GALNTL6: variants seen among roughly 807,000 people sequenced by gnomAD.
GALNTL6 encodes polypeptide N-acetylgalactosaminyltransferase-like 6.
GALNTL6 carries 46 observed loss-of-function variants against 73.7 expected under a neutral mutation model. That is an observed-to-expected ratio of 0.62 (90% CI 0.49 to 0.80). The LOEUF (loss-of-function observed/expected upper bound fraction) is 0.80. Ranked by LOEUF, GALNTL6 falls within the 30% of genes least tolerant of loss-of-function variation. The pLI, the probability that GALNTL6 is intolerant of heterozygous loss-of-function variation, is 0.00. For synonymous variants in GALNTL6, 259 were observed against 263.7 expected, an observed-to-expected ratio of 0.98 and a Z score of 0.17; for missense variants, 604 against 755.0, an observed-to-expected ratio of 0.80 and a Z score of 2.34.
intron 2 of GALNTL6, among the ~76,000 whole-genome samples, chr4:172,032,373 T>C (rs1741795206): frequency 6.6e-6 from 1 of 152,014 alleles, no homozygotes; most frequent in Non-Finnish European, 1.5e-5. Flanking sequence ...TTAAATGTTG[T>C]GTCAGAGACT....
intron 2 of GALNTL6, among the ~76,000 whole-genome samples, chr4:171,845,749 C>T (rs1336129404): frequency 2.0e-5 from 3 of 152,124 alleles, no homozygotes; most frequent in Non-Finnish European, 4.4e-5. Flanking sequence ...TCAAGCAAGA[C>T]AGCTGCTTTG....
intron 12 of GALNTL6, among the ~76,000 whole-genome samples, chr4:173,023,539 C>A (rs1353905854): frequency 6.6e-6 from 1 of 152,114 alleles, no homozygotes; most frequent in Non-Finnish European, 1.5e-5. Context: ...TGCCTATAGT[C>A]CCAGCTACTC....
chr4:172,664,015 A>G (rs754931328), intron 5 of GALNTL6, among the ~76,000 whole-genome samples: 2 of 152,190 alleles, frequency 1.3e-5, no homozygotes, highest in African/African-American at 2.4e-5. Context: ...ACTGCAGAAT[A>G]AATACATAAT....
chr4:173,009,320 C>A lies in GALNTL6; in HGVS notation c.1488+26C>A, dbSNP rs1752438436. ...GTGAGTCACCTCCCAGAAGCCAGGG[C>A]AGTGGGAACCAGTCGGGGGCTGATG... On this transcript the variant is annotated intron_variant, in intron 11 of 12. Transcript: ENST00000506823. 7 of 1,305,556 alleles carry A rather than the reference C, an allele frequency of 5.4e-6. No homozygotes were observed. In the East Asian group the frequency reaches 9.2e-5, roughly 17 times the overall value. 80.9% of individuals were successfully genotyped at this position (1,305,556 alleles called of 1,614,324 possible).
chr4:172,715,277 T>C (rs1015469907), intron 5 of GALNTL6, among the ~76,000 whole-genome samples: 5 of 152,198 alleles, frequency 3.3e-5, no homozygotes, highest in Non-Finnish European at 7.4e-5. Context: ...TGTGTGGGGA[T>C]GTGCATGGGT....
chr4:172,167,517 A>C (rs1020567824), intron 2 of GALNTL6, among the ~76,000 whole-genome samples: 1 of 152,238 alleles, frequency 6.6e-6, no homozygotes, highest in African/African-American at 2.4e-5. Context: ...AAATCCATGT[A>C]AATATGAAGA....
intron 3 of GALNTL6, among the ~76,000 whole-genome samples, chr4:172,264,380 G>T (rs1738361443): frequency 1.3e-5 from 2 of 149,978 alleles, no homozygotes; most frequent in African/African-American, 2.4e-5. Flanking sequence ...AAGCTTCTCA[G>T]TTTCCTCATA....
chr4:172,737,281 G>A (rs1736528365), intron 5 of GALNTL6, among the ~76,000 whole-genome samples: 1 of 151,980 alleles, frequency 6.6e-6, no homozygotes, highest in Non-Finnish European at 1.5e-5. Flanking sequence ...TCTATGTCTT[G>A]CAGGTGGTCT....
At position 172,009,270 on chromosome 4, in the gene GALNTL6, C is replaced by T. The variant is rs1055524163; in HGVS notation, c.138+194552C>T. Among the ~76,000 whole-genome samples the T allele has an allele frequency of 4.6e-5, 7 of 151,948 alleles. No individual in the cohort carries two copies. The East Asian group carries it at 5.8e-4, about 13-fold the overall frequency. On this transcript the variant is annotated intron_variant, in intron 2 of 12. Coordinates refer to ENST00000506823, the MANE Select transcript of GALNTL6 (RefSeq NM_001034845.3). ...TGAGGGTAGAATTGTGATTAGCATC[C>T]GGGAGGTCTGACTCTAGAGATTATG... is the stretch of plus-strand genomic sequence containing the variant.
intron 5 of GALNTL6, among the ~76,000 whole-genome samples, chr4:172,480,666 T>A (rs1335682082): frequency 6.6e-6 from 1 of 152,210 alleles, no homozygotes; most frequent in Admixed American, 6.5e-5. Context: ...GAATGTATTA[T>A]TGTTCATGAG....
intron 2 of GALNTL6, among the ~76,000 whole-genome samples, chr4:171,957,451 T>G (rs951750838): frequency 7.2e-5 from 11 of 152,134 alleles, no homozygotes; most frequent in African/African-American, 2.7e-4. Context: ...TTTTAGAAAC[T>G]AAAATTTATG....
intron 5 of GALNTL6, among the ~76,000 whole-genome samples, chr4:172,631,154 T>C (rs998069780): frequency 2.0e-5 from 3 of 152,078 alleles, no homozygotes; most frequent in Non-Finnish European, 4.4e-5. Context: ...TAGTAATTTT[T>C]TTTTTTAAAT....
intron 5 of GALNTL6, among the ~76,000 whole-genome samples, chr4:172,497,025 A>G (rs1019200497): frequency 4.6e-5 from 7 of 152,242 alleles, no homozygotes; most frequent in African/African-American, 7.2e-5. Context: ...TTCCTAAAAG[A>G]TAATAGCTAA....
intron 2 of GALNTL6, among the ~76,000 whole-genome samples, chr4:172,210,722 AT>A (rs1335208484): frequency 1.3e-5 from 2 of 152,096 alleles, no homozygotes; most frequent in Non-Finnish European, 2.9e-5. Context: ...TACAGTACCC[AT>A]TGGAGGGCAG....
chr4:172,829,329 G>A (rs960264904), intron 7 of GALNTL6, among the ~76,000 whole-genome samples: 1 of 152,170 alleles, frequency 6.6e-6, no homozygotes, highest in African/African-American at 2.4e-5. Flanking sequence ...GTTGGATGAA[G>A]GAAAGAGTTT....
chr4:172,597,785 A>G (rs1475628667), intron 5 of GALNTL6, among the ~76,000 whole-genome samples: 4 of 152,166 alleles, frequency 2.6e-5, no homozygotes, highest in African/African-American at 9.6e-5. Context: ...CAATAGGATT[A>G]TTTGAGTGTG....
intron 2 of GALNTL6, among the ~76,000 whole-genome samples, chr4:172,177,820 T>TATATATACACATGTGTAG (rs1735089175): frequency 7.3e-6 from 1 of 136,118 alleles, no homozygotes; most frequent in Admixed American, 7.0e-5. Flanking sequence ...TATGTGTGTG[T>TATATATACACATGTGTAG]ATATATACAC....
At chr4:172,074,146 A>G (rs922389745) in intron 2 of GALNTL6, among the ~76,000 whole-genome samples, 4 of 152,230 alleles carry the variant, frequency 2.6e-5, no homozygotes. Context: ...AAATACTTTT[A>G]TATTCCTCCT....
intron 5 of GALNTL6, among the ~76,000 whole-genome samples, chr4:172,806,756 A>G (rs949230431): frequency 6.6e-6 from 1 of 152,182 alleles, no homozygotes; most frequent in Non-Finnish European, 1.5e-5. Context: ...ACAAATATTG[A>G]TGATCTGTGT....
Sources: gnomAD v4.1 joint callset for allele counts (sites outside exome capture counted in the v4.1 genomes callset) on GRCh38, gnomAD v4.1.1 for gene constraint, MANE v1.5 for transcripts, NCBI Gene and HGNC (gene_info 2026-07-23, HGNC 2026-07-21) for gene names.